Variants in IRAK3 observed in about 807,000 individuals in gnomAD.
The protein encoded by IRAK3 is interleukin-1 receptor-associated kinase 3.
Under a neutral mutation model 56.6 loss-of-function variants are expected in IRAK3, and 57 were observed. The observed-to-expected ratio is 1.01, with a 90% CI of 0.81 to 1.26. IRAK3 has a LOEUF of 1.26. Among genes scored for constraint, IRAK3 ranks in the 50% most tolerant of loss-of-function variants. IRAK3 has a pLI of 0.00. For synonymous variants in IRAK3, 258 were observed against 255.7 expected (o/e 1.01, Z -0.09); for missense variants, 703 against 719.0 (o/e 0.98, Z 0.25).
rs566236131 is a variant in IRAK3 at position 66,199,133 on chromosome 12, G to T, written c.134-4578G>T. 4.6e-5 allele frequency among the ~76,000 whole-genome samples: 7 copies of T among 152,320 alleles called. No homozygotes were observed. The East Asian group carries it at 1.4e-3, about 29-fold the overall frequency. On this transcript the variant is annotated intron_variant, in intron 1 of 11. Coordinates refer to ENST00000261233, the MANE Select transcript of IRAK3 (RefSeq NM_007199.3). ...GAAATTTGATATTTAGAGTTCTCTT[G>T]TTGGAATGTTCATTTTGAGAGTGGG...
chr12:66,218,987 G>A (rs1335707702), intron 6 of IRAK3, among the ~76,000 whole-genome samples: 1 of 151,998 alleles, frequency 6.6e-6, no homozygotes, highest in Non-Finnish European at 1.5e-5. Context: ...CCATGTTGTT[G>A]GAAATGGCAG....
intron 1 of IRAK3, among the ~76,000 whole-genome samples, chr12:66,202,249 C>T (rs2052515163): frequency 2.6e-5 from 4 of 152,254 alleles, no homozygotes; most frequent in Admixed American, 2.6e-4. Context: ...TACATACCTA[C>T]ATTTCCTTGC....
Position 66,204,093 on chromosome 12 carries a change from C to T in IRAK3, c.316+200C>T, listed in dbSNP as rs567741108. ...TTCCCTTATCACCTAACTTATACAA[C>T]ATATTTCTTTCTATCACTTTATAGT... On this transcript the variant is annotated intron_variant, in intron 2 of 11. Transcript: ENST00000261233. 3.3e-5 allele frequency among the ~76,000 whole-genome samples: 5 copies of T among 152,246 alleles called. No homozygotes were observed. The South Asian group carries it at 8.3e-4, about 25-fold the overall frequency.
chr12:66,220,426 T>TA (rs2052718745), intron 6 of IRAK3, among the ~76,000 whole-genome samples: 1 of 151,882 alleles, frequency 6.6e-6, no homozygotes, highest in African/African-American at 2.4e-5. Flanking sequence ...AGTCTGTTTT[T>TA]ATGCCGGTGC....
intron 3 of IRAK3, 52 bp downstream of exon 3, chr12:66,209,572 T>C (rs1161506328): frequency 8.9e-7 from 1 of 1,121,396 alleles, no homozygotes; most frequent in African/African-American, 1.5e-5. Context: ...GCATGTATAA[T>C]TGAGCATAAG....
At chr12:66,209,667 A>G (rs1472577260) in intron 3 of IRAK3, 147 bp downstream of exon 3, 7 of 674,416 alleles carry the variant, frequency 1.0e-5, no homozygotes, top group Middle Eastern at 2.6e-4. Context: ...ATTATTCTCT[A>G]TTTAGTTGAG....
intron 1 of IRAK3, among the ~76,000 whole-genome samples, chr12:66,199,690 T>C (rs939278854): frequency 5.9e-5 from 9 of 152,220 alleles, no homozygotes; most frequent in African/African-American, 1.4e-4. Context: ...TACTGGCATA[T>C]AGCAGATACT....
intron 8 of IRAK3, among the ~76,000 whole-genome samples, chr12:66,233,914 GC>G (rs1259394630): frequency 6.6e-6 from 1 of 150,840 alleles, no homozygotes; most frequent in Non-Finnish European, 1.5e-5. Context: ...AGAACTTATA[GC>G]AAAAATAGTT....
chr12:66,223,839 G>A (rs556154166), intron 6 of IRAK3, among the ~76,000 whole-genome samples: 3 of 150,674 alleles, frequency 2.0e-5, no homozygotes, highest in East Asian at 2.0e-4. Flanking sequence ...TCAGCCTCCC[G>A]AGTAGCTGGG....
intron 1 of IRAK3, among the ~76,000 whole-genome samples, chr12:66,191,004 G>T (rs1432007516): frequency 1.3e-5 from 2 of 152,196 alleles, no homozygotes; most frequent in Non-Finnish European, 2.9e-5. Context: ...GAAAATGAAT[G>T]AGGACCACCC....
chr12:66,234,195 A>C (rs532918065), intron 8 of IRAK3: 1 of 1,614,058 alleles, frequency 6.2e-7, no homozygotes, highest in Non-Finnish European at 8.5e-7. Context: ...TACTGTGGCA[A>C]GTAGGCTCCT....
intron 8 of IRAK3, among the ~76,000 whole-genome samples, chr12:66,230,439 A>C (rs538427274): frequency 1.4e-3 from 215 of 152,298 alleles, no homozygotes; most frequent in African/African-American, 4.9e-3. Context: ...GGAAGCACTG[A>C]AGCTGGGGTG....
intron 6 of IRAK3, among the ~76,000 whole-genome samples, chr12:66,220,769 C>T (rs2052724990): frequency 6.6e-6 from 1 of 152,042 alleles, no homozygotes; most frequent in African/African-American, 2.4e-5. Context: ...ATCCGCCCGC[C>T]TCGGCCTCCC....
chr12:66,197,469 A>G (rs1385843281), intron 1 of IRAK3: 3 of 983,802 alleles, frequency 3.0e-6, no homozygotes, highest in African/African-American at 3.5e-5. Flanking sequence ...CATTTTATGG[A>G]TGCTAAAAAT....
chr12:66,206,894 C>A (rs1371516895), intron 2 of IRAK3, among the ~76,000 whole-genome samples: 4 of 152,126 alleles, frequency 2.6e-5, no homozygotes, highest in Non-Finnish European at 5.9e-5. Context: ...TGTTATGAGT[C>A]CATGTATATT....
At chr12:66,222,019 A>G (rs2052739111) in intron 6 of IRAK3, among the ~76,000 whole-genome samples, 1 of 152,162 alleles carries the variant, frequency 6.6e-6, no homozygotes, top group Non-Finnish European at 1.5e-5. Flanking sequence ...ACAGAGCAAG[A>G]CTCGATCTCC....
At position 66,234,796 on chromosome 12, in the gene IRAK3, T is replaced by G; in HGVS notation, c.887+6426T>G. ...CACGTAGTATCCTTGTAGAAATAACTTGTCCAAATGGTTTGAGCATATTTT... is the reference window on the plus strand; with the variant it reads ...CACGTAGTATCCTTGTAGAAATAACGTGTCCAAATGGTTTGAGCATATTTT... On this transcript the variant is annotated intron_variant, in intron 8 of 11. Coordinates refer to ENST00000261233, the MANE Select transcript of IRAK3 (RefSeq NM_007199.3). 9.4e-6 allele frequency: 15 copies of G among 1,599,662 alleles called. No individual in the cohort carries two copies. In the South Asian group the frequency reaches 1.5e-4, roughly 16 times the overall value.
rs186487015 is a variant in IRAK3 at position 66,244,882 on chromosome 12, A to G, written c.1087-66A>G. On this transcript the variant is annotated intron_variant, in intron 9 of 11. Coordinates refer to ENST00000261233, the MANE Select transcript of IRAK3 (RefSeq NM_007199.3). The stretch of plus-strand genomic sequence containing the variant: ...TGAACTATATTCATAGTCATGGTTA[A>G]TAGTTGCAACAAATTGTGTGTATAT... 7.4e-5 allele frequency: 93 copies of G among 1,248,428 alleles called. No homozygotes were observed. In the East Asian group the frequency reaches 2.1e-3, roughly 29 times the overall value. 77.3% of individuals were successfully genotyped at this position (1,248,428 alleles called of 1,614,324 possible).
Position 66,226,723 on chromosome 12 carries a change from G to C in IRAK3, c.654G>C (p.Leu218=). ...RFLSELEVLL[L]FHHPNILELA... is the part of the protein sequence containing the mutation. ...GCTTTAAAACATCTTTTGTTTCAAG[G>C]TTTCATCACCCAAACATACTAGAGT... The change falls in exon 7 of 12, where the codon CTG becomes CTC. Residue 218 remains leucine, a splice_region_variant and synonymous_variant. Transcript: ENST00000261233. 1 of 1,566,202 alleles carries C rather than the reference G, an allele frequency of 6.4e-7. No homozygotes were observed. The highest frequency in any genetic ancestry group is 8.8e-7 in the Non-Finnish European group (1 of 1,136,488).
Sources: gnomAD v4.1 joint callset for allele counts (sites outside exome capture counted in the v4.1 genomes callset) on GRCh38, gnomAD v4.1.1 for gene constraint, MANE v1.5 for transcripts, NCBI Gene and HGNC (gene_info 2026-07-23, HGNC 2026-07-21) for gene names.